The following IGF2BP2 variants were observed in gnomAD, a reference collection of about 807,000 sequenced individuals.
IGF2BP2 encodes insulin like growth factor 2 mRNA binding protein 2.
IGF2BP2 carries 17 observed loss-of-function variants against 75.8 expected under a neutral mutation model. The observed-to-expected ratio is 0.22, with a 90% CI of 0.15 to 0.34. The LOEUF is 0.34. Among genes scored for constraint, IGF2BP2 ranks in the 10% least tolerant of loss-of-function variants. IGF2BP2 has a pLI of 1.00. For missense variants in IGF2BP2, 516 were observed against 772.4 expected (o/e 0.67, Z 3.93); for synonymous variants, 288 against 295.6 (o/e 0.97, Z 0.26).
chr3:185,791,193 G>C (rs1432939210), intron 2 of IGF2BP2, among the ~76,000 whole-genome samples: 1 of 152,226 alleles, frequency 6.6e-6, no homozygotes, highest in Non-Finnish European at 1.5e-5. Context: ...AGTGCCTGGT[G>C]TATCACACAT....
rs139596150 is a variant in IGF2BP2 at position 185,783,760 on chromosome 3, G to A, written c.239+39393C>T. 1.0e-3 allele frequency among the ~76,000 whole-genome samples: 157 copies of A among 152,246 alleles called. 1 individual carries two copies. The highest frequency in any genetic ancestry group is 3.7e-3 in the African/African-American group (152 of 41,546). On this transcript the variant is annotated intron_variant, in intron 2 of 15. Transcript: ENST00000382199. ...ATGGGTGTAGTCCATATTTTCCCCA[G>A]TTTATTATAAAGGATATCACATTTT...
intron 5 of IGF2BP2, among the ~76,000 whole-genome samples, chr3:185,691,115 C>T (rs895280322): frequency 4.0e-5 from 6 of 151,410 alleles, no homozygotes; most frequent in Non-Finnish European, 5.9e-5. Context: ...TTATTTTTTT[C>T]GAGACAGAGT....
intron 5 of IGF2BP2, among the ~76,000 whole-genome samples, chr3:185,689,952 A>G (rs1474649543): frequency 7.8e-6 from 1 of 128,078 alleles, no homozygotes; most frequent in East Asian, 2.3e-4. Context: ...TGGGCGACAG[A>G]GCGAGACTCC....
At chr3:185,692,880 A>G in intron 4 of IGF2BP2, 118 bp from the exon 5 acceptor site, 1 of 777,716 alleles carries the variant, frequency 1.3e-6, no homozygotes, top group Non-Finnish European at 2.2e-6. Flanking sequence ...CTGGCTCCAC[A>G]GTTATCTGCA....
chr3:185,692,357 G>A (rs751902932), intron 5 of IGF2BP2, among the ~76,000 whole-genome samples: 10 of 152,198 alleles, frequency 6.6e-5, no homozygotes, highest in African/African-American at 1.4e-4. Flanking sequence ...AGTGTCACAG[G>A]TATGGTGCCC....
chr3:185,736,865 T>C lies in IGF2BP2; in HGVS notation c.240-38518A>G, dbSNP rs933335337. Among the ~76,000 whole-genome samples the C allele has an allele frequency of 2.0e-5, 3 of 152,250 alleles. No individual in the cohort carries two copies. The South Asian group carries it at 6.2e-4, about 32-fold the overall frequency. On this transcript the variant is annotated intron_variant, in intron 2 of 15. Transcript: ENST00000382199. ...CTGATACGCAAAACTGTGCCATCAG[T>C]ACTGGGTGGCAAATCTATGCTAGGA...
intron 2 of IGF2BP2, among the ~76,000 whole-genome samples, chr3:185,821,666 A>G (rs1741394959): frequency 6.6e-6 from 1 of 152,134 alleles, no homozygotes; most frequent in South Asian, 2.1e-4. Context: ...ATAACCCCCA[A>G]AAGTATTCAC....
intron 3 of IGF2BP2, among the ~76,000 whole-genome samples, chr3:185,697,119 G>A (rs192130029): frequency 6.6e-6 from 1 of 152,184 alleles, no homozygotes. Flanking sequence ...TGTTTTGTTT[G>A]AGATGGAGTC....
intron 10 of IGF2BP2, among the ~76,000 whole-genome samples, chr3:185,670,088 T>C (rs2149201283): frequency 6.6e-6 from 1 of 152,342 alleles, no homozygotes; most frequent in South Asian, 2.1e-4. Context: ...TATTGACCCA[T>C]GGAATCAAGA....
intron 4 of IGF2BP2, 176 bp downstream of exon 4, chr3:185,696,436 C>G (rs550575006): frequency 3.3e-6 from 2 of 598,712 alleles, no homozygotes; most frequent in East Asian, 5.5e-5. Flanking sequence ...TAGAAAGAGA[C>G]AGATATCTCT....
At chr3:185,693,410 T>C (rs1722204651) in intron 4 of IGF2BP2, among the ~76,000 whole-genome samples, 2 of 152,336 alleles carry the variant, frequency 1.3e-5, no homozygotes, top group Admixed American at 1.3e-4. Flanking sequence ...TAAGAAAATA[T>C]TTTAATTTAA....
rs74637972 is a variant in IGF2BP2 at position 185,740,144 on chromosome 3, G to A, written c.240-41797C>T. ...ATTAAAGGTGTGAGCCACCATACCC[G>A]GCCTTTTTATTTCCTTCTCAATTGT... On this transcript the variant is annotated intron_variant, in intron 2 of 15. Transcript: ENST00000382199. Among the ~76,000 whole-genome samples the A allele has an allele frequency of 5.4e-3, 827 of 152,020 alleles. 7 individuals carry two copies. The highest frequency in any genetic ancestry group is 0.019 in the African/African-American group (779 of 41,460).
At chr3:185,703,153 A>G (rs1723544985) in intron 2 of IGF2BP2, among the ~76,000 whole-genome samples, 1 of 152,260 alleles carries the variant, frequency 6.6e-6, no homozygotes, top group Non-Finnish European at 1.5e-5. Flanking sequence ...TGTGTGGACT[A>G]TCAAACTGTA....
chr3:185,789,671 A>C (rs1736370506), intron 2 of IGF2BP2, among the ~76,000 whole-genome samples: 1 of 152,194 alleles, frequency 6.6e-6, no homozygotes, highest in East Asian at 1.9e-4. Flanking sequence ...AAGCAAAAAA[A>C]AAAACCCCTT....
chr3:185,659,465 C>T (rs537519241), intron 10 of IGF2BP2, among the ~76,000 whole-genome samples: 48 of 152,176 alleles, frequency 3.2e-4, no homozygotes, highest in African/African-American at 1.1e-3. Context: ...CCTCCGCCCC[C>T]GCAGGTTCAA....
chr3:185,704,610 C>T (rs1439939791), intron 2 of IGF2BP2, among the ~76,000 whole-genome samples: 1 of 152,144 alleles, frequency 6.6e-6, no homozygotes, highest in African/African-American at 2.4e-5. Flanking sequence ...CCACCATGCC[C>T]AGCTATTTTT....
chr3:185,730,420 G>A (rs996128026), intron 2 of IGF2BP2, among the ~76,000 whole-genome samples: 2 of 149,082 alleles, frequency 1.3e-5, no homozygotes, highest in African/African-American at 2.5e-5. Context: ...ACATACAAGC[G>A]CAGGTGTCTT....
At chr3:185,735,299 C>T (rs1193281162) in intron 2 of IGF2BP2, among the ~76,000 whole-genome samples, 1 of 152,086 alleles carries the variant, frequency 6.6e-6, no homozygotes, top group Non-Finnish European at 1.5e-5. Flanking sequence ...GCATTAGCCA[C>T]CACACCAGGC....
chr3:185,824,544 G>C (rs565907733), intron 1 of IGF2BP2, among the ~76,000 whole-genome samples: 34 of 151,036 alleles, frequency 2.3e-4, no homozygotes, highest in Admixed American at 1.9e-3. Flanking sequence ...GAGCGGCACG[G>C]GGGGCGCCCC....
Sources: allele counts gnomAD v4.1 joint callset (sites outside exome capture counted in the v4.1 genomes callset), GRCh38; gene constraint gnomAD v4.1.1; transcripts MANE v1.5; gene names NCBI Gene and HGNC (gene_info 2026-07-23, HGNC 2026-07-21).